FBXL19: variants seen among roughly 807,000 people sequenced by gnomAD.
FBXL19 encodes F-box and leucine rich repeat protein 19.
Under a neutral mutation model 71.2 loss-of-function variants are expected in FBXL19, and 16 were observed. The ratio of observed to expected loss-of-function variants is 0.22; its 90% CI spans 0.15 to 0.34. The LOEUF (loss-of-function observed/expected upper bound fraction) is 0.34, where lower values mean the gene tolerates loss of function less well. FBXL19 is among the 10% of genes least tolerant of loss of function. The probability of loss-of-function intolerance (pLI) is 1.00; values close to 1 mark genes in which losing one functional copy is unlikely to be tolerated. For synonymous variants in FBXL19, 447 were observed against 409.4 expected, an observed-to-expected ratio of 1.09 and a Z score of -1.11; for missense variants, 658 against 968.2, an observed-to-expected ratio of 0.68 and a Z score of 4.25.
rs1567338928 is a variant in FBXL19, at chr16:30,930,632, C to G, written c.1301+48C>G. The G allele has an allele frequency of 7.1e-7, 1 of 1,401,652 alleles. No individual in the cohort carries two copies. The allele number at this position is 1,401,652 out of a possible 1,614,324, so 86.8% of individuals were successfully genotyped here. On this transcript the variant is annotated intron_variant, in intron 7 of 10. Transcript: ENST00000338343. This position sits in a 1 kb window ranked among gnomAD's most constrained non-coding sequence, Gnocchi z 8.5. ...CGTTCCGTGGCCAGCAGGCTTCCCGCTTGCTGGGTGACCTGCGGTAGGTCT... is the reference window on the plus strand; with the variant it reads ...CGTTCCGTGGCCAGCAGGCTTCCCGGTTGCTGGGTGACCTGCGGTAGGTCT...
At chr16:30,940,390 A>C (rs2055789791) in intron 7 of FBXL19, among the ~76,000 whole-genome samples, 1 of 151,698 alleles carries the variant, frequency 6.6e-6, no homozygotes, top group South Asian at 2.1e-4. Flanking sequence ...ACTGCACCCC[A>C]GCCTGGGTGA....
At chr16:30,944,169 CTTTTTTT>C (rs761103868) in intron 9 of FBXL19, among the ~76,000 whole-genome samples, 1 of 62,938 alleles carries the variant, frequency 1.6e-5, no homozygotes, top group Admixed American at 1.9e-4. Context: ...GAAGGTGGGC[CTTTTTTT>C]TTTTTTTTTT....
At position 30,942,029 on chromosome 16, in the gene FBXL19, G is replaced by A. The variant is rs368742547; in HGVS notation, c.1302-87G>A. On this transcript the variant is annotated intron_variant, in intron 7 of 10. Coordinates refer to ENST00000338343, the MANE Select transcript of FBXL19 (RefSeq NM_001382779.1). The surrounding 1 kb of genome is among the most constrained non-coding windows in gnomAD (Gnocchi z 5.7). ...TCTGTGTGGCCAGAAGAGAGCTGGG[G>A]TGCACCCTTGGAGCTGGGGAGCCTG... 1 of 1,396,160 alleles carries A rather than the reference G, an allele frequency of 7.2e-7. No homozygotes were observed. The highest frequency in any genetic ancestry group is 1.4e-5 in the African/African-American group (1 of 69,120). The allele number at this position is 1,396,160 out of a possible 1,614,324, so 86.5% of individuals were successfully genotyped here.
chr16:30,948,044 G>A lies in FBXL19; in HGVS notation c.*814G>A. 1 of 286,568 alleles carries A rather than the reference G, an allele frequency of 3.5e-6. No homozygotes were observed. Among genetic ancestry groups the A allele is most frequent in the South Asian group, 2.8e-5 (1 of 36,256 alleles). The allele number at this position is 286,568 out of a possible 1,614,324, so 17.8% of individuals were successfully genotyped here. A position where few individuals can be genotyped will look rare whatever the true frequency, so the allele number is the denominator to read the frequency against. On this transcript the variant is annotated 3_prime_UTR_variant, in exon 11 of 11. Transcript: ENST00000338343. The stretch of plus-strand genomic sequence containing the variant: ...TACTGAAGTGTTACTTGAACCGGGG[G>A]AATCTCGGACCTGGGGGAGCCGGGG...
Position 30,947,265 on chromosome 16 carries a change from G to A in FBXL19, c.*35G>A. 1 of 1,503,518 alleles carries A rather than the reference G, an allele frequency of 6.7e-7. No homozygotes were observed. Among genetic ancestry groups the A allele is most frequent in the Non-Finnish European group, 8.9e-7 (1 of 1,125,942 alleles). The allele number at this position is 1,503,518 out of a possible 1,614,324, so 93.1% of individuals were successfully genotyped here. A position where few individuals can be genotyped will look rare whatever the true frequency, so the allele number is the denominator to read the frequency against. ...CCCCACCCTCCCCCGGACTCGACAG[G>A]AGCCTGGACCTCCGGCTTCATTTCA... On this transcript the variant is annotated 3_prime_UTR_variant, in exon 11 of 11. Transcript: ENST00000338343.
At chr16:30,938,013 C>T (rs1374029300) in intron 7 of FBXL19, among the ~76,000 whole-genome samples, 1 of 152,012 alleles carries the variant, frequency 6.6e-6, no homozygotes, top group Non-Finnish European at 1.5e-5. Flanking sequence ...GAAGCTGGGT[C>T]GGGCATGAGT....
chr16:30,946,764 G>A lies in FBXL19; in HGVS notation c.1662G>A (p.Val554=). Residue 554 remains valine (V), a synonymous_variant, in exon 10 of 11, where the codon GTG becomes GTA. Transcript: ENST00000338343. This position sits in a 1 kb window ranked among gnomAD's most constrained non-coding sequence, Gnocchi z 6.7. ...QTESRGRLQG[V]AELRLAGLEL... ...AGAGCCGTGGTCGGCTGCAGGGGGT[G>A]GCAGAACTGCGTCTGGCAGGTTTGG... 1 of 1,613,398 alleles carries A rather than the reference G, an allele frequency of 6.2e-7. No individual in the cohort carries two copies. Among genetic ancestry groups the A allele is most frequent in the Non-Finnish European group, 8.5e-7 (1 of 1,179,742 alleles).
chr16:30,945,586 C>T lies in FBXL19; in HGVS notation c.1628-1144C>T, dbSNP rs140712329. On this transcript the variant is annotated intron_variant, in intron 9 of 10. Coordinates refer to ENST00000338343, the MANE Select transcript of FBXL19 (RefSeq NM_001382779.1). ...GCTGTGGCAAGGAGATTGCTTGAAC[C>T]TGGGAGGTGGAAGTTGCAGTGAGCC... 3.9e-3 allele frequency among the ~76,000 whole-genome samples: 591 copies of T among 150,886 alleles called. 6 individuals are homozygous for T. The highest frequency in any genetic ancestry group is 0.014 in the African/African-American group (554 of 40,978).
At chr16:30,938,368 T>G (rs1296685959) in intron 7 of FBXL19, among the ~76,000 whole-genome samples, 1 of 151,818 alleles carries the variant, frequency 6.6e-6, no homozygotes, top group African/African-American at 2.4e-5. Flanking sequence ...AAGAAAAAAT[T>G]AGCTAAGCAT....
rs947723025 is a variant in FBXL19 at position 30,948,260 on chromosome 16, C to T, written c.*1030C>T. On this transcript the variant is annotated 3_prime_UTR_variant, in exon 11 of 11. Transcript: ENST00000338343. ...GGGACTCCTCCAGCCTGGCTCTTCCCACTCTTTCATCGTCATGGAAACTTG... is the reference window on the plus strand; with the variant it reads ...GGGACTCCTCCAGCCTGGCTCTTCCTACTCTTTCATCGTCATGGAAACTTG... The T allele has an allele frequency of 6.5e-6, 1 of 153,932 alleles. No individual in the cohort carries two copies. The highest frequency in any genetic ancestry group is 2.4e-5 in the African/African-American group (1 of 41,480). 9.5% of individuals were successfully genotyped at this position (153,932 alleles called of 1,614,324 possible).
At chr16:30,940,082 C>T (rs1456258946) in intron 7 of FBXL19, among the ~76,000 whole-genome samples, 4 of 152,126 alleles carry the variant, frequency 2.6e-5, no homozygotes, top group South Asian at 2.1e-4. Flanking sequence ...CATGGAGAAA[C>T]CCTATCTCTA....
At position 30,927,663 on chromosome 16, in the gene FBXL19, G is replaced by C; in HGVS notation, c.408+4G>C. ...CCAGGAAGGCCGCACCAGCAAGGTA[G>C]GGGCTGGGCTGGGCTGAGCTGTGGG... On this transcript the variant is annotated splice_donor_region_variant and intron_variant, in intron 4 of 10. Transcript: ENST00000338343. 1 of 1,565,130 alleles carries C rather than the reference G, an allele frequency of 6.4e-7. No homozygotes were observed. The highest frequency in any genetic ancestry group is 8.7e-7 in the Non-Finnish European group (1 of 1,155,098).
intron 7 of FBXL19, among the ~76,000 whole-genome samples, chr16:30,939,408 G>T (rs1486949154): frequency 2.1e-5 from 3 of 143,028 alleles, no homozygotes; most frequent in African/African-American, 7.8e-5. Flanking sequence ...ACAATACTGG[G>T]GTTTTTTTTT....
At chr16:30,927,489 G>C in intron 3 of FBXL19, 38 bp downstream of exon 3, 1 of 1,571,606 alleles carries the variant, frequency 6.4e-7, no homozygotes, top group South Asian at 1.2e-5. Flanking sequence ...GGGTGGGGCA[G>C]ATTGTCAGGG....
intron 9 of FBXL19, among the ~76,000 whole-genome samples, chr16:30,944,169 C>CTTTTTTTT (rs761103868): frequency 1.1e-4 from 7 of 62,930 alleles, no homozygotes; most frequent in African/African-American, 2.0e-4. Context: ...GAAGGTGGGC[C>CTTTTTTTT]TTTTTTTTTT....
chr16:30,932,463 C>T (rs1047903338), intron 7 of FBXL19, among the ~76,000 whole-genome samples: 11 of 152,308 alleles, frequency 7.2e-5, no homozygotes, highest in East Asian at 5.8e-4. Context: ...TCTGCTTCAA[C>T]GGGAGACGTG....
chr16:30,946,991 C>A lies in FBXL19; in HGVS notation c.1846+43C>A. 6.3e-7 allele frequency: 1 copy of A among 1,580,036 alleles called. No individual in the cohort carries two copies. The highest frequency in any genetic ancestry group is 8.6e-7 in the Non-Finnish European group (1 of 1,164,090). On this transcript the variant is annotated intron_variant, in intron 10 of 10. Coordinates refer to ENST00000338343, the MANE Select transcript of FBXL19 (RefSeq NM_001382779.1). This position sits in a 1 kb window ranked among gnomAD's most constrained non-coding sequence, Gnocchi z 6.7. Reference sequence around the variant, plus strand: ...TCCGTCCTGCCAGCCTGTGGATCCCCACGGCCAGTGCCAACCCCTTGCTCA... The same window carrying A: ...TCCGTCCTGCCAGCCTGTGGATCCCAACGGCCAGTGCCAACCCCTTGCTCA...
In FBXL19 at chr16:30,925,356, C is replaced by T. The variant is rs1300588174; in HGVS notation, c.-24-375C>T. Among the ~76,000 whole-genome samples, 1 of 152,036 alleles carries T rather than the reference C, an allele frequency of 6.6e-6. No homozygotes were observed. Among genetic ancestry groups the T allele is most frequent in the Non-Finnish European group, 1.5e-5 (1 of 67,982 alleles). On this transcript the variant is annotated intron_variant, in intron 1 of 10. Coordinates refer to ENST00000338343, the MANE Select transcript of FBXL19 (RefSeq NM_001382779.1). The surrounding 1 kb of genome is among the most constrained non-coding windows in gnomAD (Gnocchi z 5.0). ...CCTGGGATATTCTACACTCGGATAA[C>T]AGGGGAAGAGTTGGGATCTCTCCAA...
At chr16:30,926,438 C>T (rs771899787) in intron 2 of FBXL19, among the ~76,000 whole-genome samples, 6 of 152,124 alleles carry the variant, frequency 3.9e-5, no homozygotes, top group Non-Finnish European at 8.8e-5. Flanking sequence ...GGCATGGATG[C>T]GAGTGTGTCT....
Sources: allele counts gnomAD v4.1 joint callset (sites outside exome capture counted in the v4.1 genomes callset), GRCh38; gene constraint gnomAD v4.1.1; non-coding constraint Gnocchi (gnomAD v3.1); transcripts MANE v1.5; gene names NCBI Gene and HGNC (gene_info 2026-07-23, HGNC 2026-07-21).